Variants in ARMC2 observed in about 807,000 individuals in gnomAD.
The protein encoded by ARMC2 is armadillo repeat-containing protein 2.
In ARMC2, 67 loss-of-function variants were observed where a neutral mutation model predicts 90.3. The observed-to-expected ratio is 0.74, with a 90% CI of 0.61 to 0.91. ARMC2 has a LOEUF of 0.91. Ranked by LOEUF, ARMC2 falls within the 40% of genes least tolerant of loss-of-function variation. ARMC2 has a pLI of 0.00. For synonymous variants in ARMC2, 393 were observed against 393.0 expected, an observed-to-expected ratio of 1.00 and a Z score of 0.00; for missense variants, 920 against 1,030.9, an observed-to-expected ratio of 0.89 and a Z score of 1.47.
intron 5 of ARMC2, among the ~76,000 whole-genome samples, chr6:108,882,434 C>T (rs1320318926): frequency 1.1e-5 from 1 of 89,730 alleles, no homozygotes; most frequent in Non-Finnish European, 2.3e-5. Context: ...GTGAGACTCC[C>T]TCTCAAAAAA....
rs890304005 is a variant in ARMC2, at chr6:108,910,955, C to T, written c.1080C>T (p.Ser360=). The T allele has an allele frequency of 3.2e-6, 5 of 1,584,196 alleles. No individual in the cohort carries two copies. The African/African-American group carries it at 6.7e-5, about 21-fold the overall frequency. Residue 360 remains serine, a synonymous_variant, in exon 9 of 18, where the codon AGC becomes AGT. Coordinates refer to ENST00000392644, the MANE Select transcript of ARMC2 (RefSeq NM_032131.6). ...LNVCKLIFKI[S]RNEKNDSLIQ... ...TCTGCAAACTTATATTTAAAATTAG[C>T]AGGAATGAGAAGAATGATTCTTTGA...
chr6:108,866,614 G>A (rs747862847), intron 3 of ARMC2, among the ~76,000 whole-genome samples: 1 of 152,188 alleles, frequency 6.6e-6, no homozygotes, highest in Non-Finnish European at 1.5e-5. Context: ...CCTGTAAGAA[G>A]GAGACTACTG....
At chr6:108,983,771 C>A in the ARMC2 span, among the ~76,000 whole-genome samples, 1 of 152,174 alleles carries the variant, frequency 6.6e-6, no homozygotes, top group Non-Finnish European at 1.5e-5. Flanking sequence ...TCTCTACTTC[C>A]GTGAAAAATG....
At chr6:109,017,574 C>G in the ARMC2 span, among the ~76,000 whole-genome samples, 1 of 152,074 alleles carries the variant, frequency 6.6e-6, no homozygotes, top group African/African-American at 2.4e-5. Flanking sequence ...TGTGAGCCAC[C>G]GCGCCCGGCC....
intron 3 of ARMC2, among the ~76,000 whole-genome samples, chr6:108,864,818 T>C (rs918343102): frequency 6.6e-6 from 1 of 151,906 alleles, no homozygotes; most frequent in African/African-American, 2.4e-5. Context: ...GTTCTATGTA[T>C]TGTGTCTTCT....
the ARMC2 span, among the ~76,000 whole-genome samples, chr6:109,025,510 G>T: frequency 6.6e-6 from 1 of 150,480 alleles, no homozygotes; most frequent in South Asian, 2.1e-4. Flanking sequence ...TGCAAAGTCA[G>T]ATGCAGTCTG....
At chr6:108,855,518 T>G (rs1774479599) in intron 2 of ARMC2, among the ~76,000 whole-genome samples, 1 of 152,230 alleles carries the variant, frequency 6.6e-6, no homozygotes. Context: ...CCCAAAGTGC[T>G]GGGATTACAG....
At chr6:109,007,910 G>A in the ARMC2 span, among the ~76,000 whole-genome samples, 2 of 150,806 alleles carry the variant, frequency 1.3e-5, no homozygotes, top group Non-Finnish European at 2.9e-5. Context: ...CAGGAGTTCC[G>A]TTTCTTGAAA....
intron 2 of ARMC2, chr6:108,856,471 G>A (rs931554967): frequency 2.3e-5 from 5 of 214,296 alleles, no homozygotes; most frequent in African/African-American, 9.2e-5. Flanking sequence ...GTTTTACAGA[G>A]ACCTACCCAT....
At chr6:108,931,066 C>T (rs1013157698) in intron 11 of ARMC2, among the ~76,000 whole-genome samples, 3 of 151,722 alleles carry the variant, frequency 2.0e-5, no homozygotes, top group Admixed American at 1.3e-4. Flanking sequence ...TGCTCCCCTC[C>T]CTCCTCCCAC....
the ARMC2 span, among the ~76,000 whole-genome samples, chr6:109,046,911 G>A: frequency 8.0e-6 from 1 of 124,242 alleles, no homozygotes; most frequent in Admixed American, 7.8e-5. Context: ...GAGAAGTGAG[G>A]AGCCTCTCCG....
At chr6:108,945,960 G>A (rs751254210) in intron 12 of ARMC2, among the ~76,000 whole-genome samples, 5 of 152,210 alleles carry the variant, frequency 3.3e-5, no homozygotes, top group Non-Finnish European at 7.3e-5. Context: ...ACAGGAGCAC[G>A]CCCTATGGCT....
At chr6:108,918,119 AG>A (rs1774163820) in intron 10 of ARMC2, among the ~76,000 whole-genome samples, 1 of 152,206 alleles carries the variant, frequency 6.6e-6, no homozygotes, top group African/African-American at 2.4e-5. Flanking sequence ...TGATGGTTGA[AG>A]GCAGAAAGAC....
At chr6:108,961,263 C>T (rs373659395) in intron 13 of ARMC2, among the ~76,000 whole-genome samples, 1 of 152,174 alleles carries the variant, frequency 6.6e-6, no homozygotes, top group African/African-American at 2.4e-5. Flanking sequence ...CGCTCACTGC[C>T]GTGTTGGCCC....
the ARMC2 span, chr6:109,008,792 C>T: frequency 1.0e-6 from 1 of 985,408 alleles, no homozygotes; most frequent in East Asian, 1.1e-4. Context: ...GCTTAATACG[C>T]AAGAGTAAAC....
At chr6:109,044,311 C>CAAAAAAAAAAAAAAAAA in the ARMC2 span, among the ~76,000 whole-genome samples, 1 of 28,458 alleles carries the variant, frequency 3.5e-5, no homozygotes, top group African/African-American at 2.0e-4. Flanking sequence ...GAACTTGCCT[C>CAAAAAAAAAAAAAAAAA]AAAAAAAAAA....
the ARMC2 span, among the ~76,000 whole-genome samples, chr6:109,032,338 G>T: frequency 6.6e-6 from 1 of 152,144 alleles, no homozygotes; most frequent in Non-Finnish European, 1.5e-5. Flanking sequence ...AAAAGGTAAG[G>T]CTGGGCGCAG....
chr6:109,041,151 AAC>A, the ARMC2 span, among the ~76,000 whole-genome samples: 6 of 150,990 alleles, frequency 4.0e-5, no homozygotes, highest in African/African-American at 1.5e-4. Flanking sequence ...AAAAAAAAAA[AAC>A]AAACCAAAAC....
the ARMC2 span, among the ~76,000 whole-genome samples, chr6:109,005,405 A>G: frequency 1.2e-4 from 19 of 152,352 alleles, 1 homozygote; most frequent in Non-Finnish European, 1.8e-4. Flanking sequence ...TTTATCTTAC[A>G]AATACATTAG....
Sources: gnomAD v4.1 joint callset for allele counts (sites outside exome capture counted in the v4.1 genomes callset) on GRCh38, gnomAD v4.1.1 for gene constraint, MANE v1.5 for transcripts, NCBI Gene and HGNC (gene_info 2026-07-23, HGNC 2026-07-21) for gene names.